Variants in SHANK1 observed in about 807,000 individuals in gnomAD.
SHANK1 encodes the protein SH3 and multiple ankyrin repeat domains 1.
In SHANK1, 35 loss-of-function variants were observed where a neutral mutation model predicts 165.6. The observed-to-expected ratio is 0.21, with a 90% CI of 0.16 to 0.28. SHANK1 has a LOEUF of 0.28. Among genes scored for constraint, SHANK1 ranks in the 10% least tolerant of loss-of-function variants. The probability of loss-of-function intolerance (pLI) is 1.00; values close to 1 mark genes in which losing one functional copy is unlikely to be tolerated. For missense variants in SHANK1, 2,681 were observed against 3,036.4 expected (o/e 0.88, Z 2.75); for synonymous variants, 1,428 against 1,384.8 (o/e 1.03, Z -0.69).
intron 15 of SHANK1, among the ~76,000 whole-genome samples, chr19:50,689,636 G>A (rs912506154): frequency 6.6e-6 from 1 of 152,124 alleles, no homozygotes; most frequent in African/African-American, 2.4e-5. Flanking sequence ...CTATGACCTT[G>A]AGCCCACAAC....
Position 50,716,989 on chromosome 19 carries a change from A to G in SHANK1, c.-43-27T>C. The G allele has an allele frequency of 7.2e-7, 1 of 1,386,850 alleles. No homozygotes were observed. The highest frequency in any genetic ancestry group is 1.5e-5 in the African/African-American group (1 of 68,250). The allele number at this position is 1,386,850 out of a possible 1,614,324, so 85.9% of individuals were successfully genotyped here. On this transcript the variant is annotated intron_variant, in intron 1 of 23. Transcript: ENST00000293441. The surrounding 1 kb of genome is among the most constrained non-coding windows in gnomAD (Gnocchi z 8.4). ...TGCAGGGGCCAAGGGCGGCCATCAGACTAGGAGCCCGGGACCCCTCAGAGG... is the reference window on the plus strand; with the variant it reads ...TGCAGGGGCCAAGGGCGGCCATCAGGCTAGGAGCCCGGGACCCCTCAGAGG...
chr19:50,686,858 G>A lies in SHANK1; in HGVS notation c.2390-46C>T, dbSNP rs1306547542. The stretch of plus-strand genomic sequence containing the variant: ...TGACGCCCAGGGAGCCCCCGGGGGC[G>A]GGGCGGAGCGGGCTCGGCCTGTGGG... On this transcript the variant is annotated intron_variant, in intron 19 of 23. Coordinates refer to ENST00000293441, the MANE Select transcript of SHANK1 (RefSeq NM_016148.5). This position sits in a 1 kb window ranked among gnomAD's most constrained non-coding sequence, Gnocchi z 5.7. The A allele has an allele frequency of 1.9e-6, 3 of 1,607,102 alleles. No homozygotes were observed. The highest frequency in any genetic ancestry group is 2.2e-5 in the East Asian group (1 of 44,682).
intron 19 of SHANK1, 119 bp downstream of exon 19, chr19:50,687,463 G>C: frequency 1.4e-6 from 1 of 738,612 alleles, no homozygotes; most frequent in Non-Finnish European, 2.2e-6. Context: ...CCATGGACTG[G>C]GGACAGGATG....
chr19:50,667,406 G>C lies in SHANK1; in HGVS notation c.4554C>G (p.Val1518=). 2.0e-6 allele frequency: 3 copies of C among 1,518,694 alleles called. No homozygotes were observed. The South Asian group carries it at 3.8e-5, about 19-fold the overall frequency. The allele number at this position is 1,518,694 out of a possible 1,614,324, so 94.1% of individuals were successfully genotyped here. ...RGPPSEDGPG[V]PPPSPRRSVP... ...CGGACCGGCGTGGGCTGGGCGGCGG[G>C]ACCCCCGGCCCGTCCTCCGAGGGGG... The change falls in exon 23 of 24, where the codon GTC becomes GTG. Residue 1518 remains valine (V), a synonymous_variant. Transcript: ENST00000293441. This position sits in a 1 kb window ranked among gnomAD's most constrained non-coding sequence, Gnocchi z 5.7.
intron 10 of SHANK1, 132 bp downstream of exon 10, chr19:50,703,988 G>T: frequency 1.1e-6 from 1 of 937,704 alleles, no homozygotes; most frequent in Non-Finnish European, 1.7e-6. Context: ...CCACCATCCA[G>T]ACATTTTTGG....
intron 4 of SHANK1, 99 bp downstream of exon 4, chr19:50,715,560 T>C (rs1477471555): frequency 9.6e-6 from 10 of 1,045,600 alleles, no homozygotes; most frequent in Non-Finnish European, 1.3e-5. Flanking sequence ...TTGGGGAATG[T>C]GGAGGTCTAT....
chr19:50,665,044 A>G (rs1200820504), intron 23 of SHANK1, among the ~76,000 whole-genome samples: 1 of 152,202 alleles, frequency 6.6e-6, no homozygotes, highest in Non-Finnish European at 1.5e-5. Flanking sequence ...GGCGTGAACC[A>G]CCACGCCCAG....
At chr19:50,696,240 C>A (rs932572831) in intron 15 of SHANK1, among the ~76,000 whole-genome samples, 2 of 152,194 alleles carry the variant, frequency 1.3e-5, no homozygotes, top group African/African-American at 4.8e-5. Context: ...AGACAAGAAG[C>A]AGAGGCCGAC....
Position 50,716,764 on chromosome 19 carries a change from G to A in SHANK1, c.156C>T (p.Ala52=), listed in dbSNP as rs1242024112. The A allele has an allele frequency of 6.2e-7, 1 of 1,608,566 alleles. No individual in the cohort carries two copies. Among genetic ancestry groups the A allele is most frequent in the Non-Finnish European group, 8.5e-7 (1 of 1,177,530 alleles). The stretch of plus-strand genomic sequence containing the variant: ...AGCGGCCCTGGAGGCCTCTAACAGA[G>A]GCCAGGCTACCAGGTGCCCCACTGC... The part of the protein sequence containing the change: ...GQGSGAPGSL[A]SVRGLQGRSM... Residue 52 remains alanine, a synonymous_variant, in exon 2 of 24, where the codon GCC becomes GCT. Transcript: ENST00000293441. This position sits in a 1 kb window ranked among gnomAD's most constrained non-coding sequence, Gnocchi z 8.4.
In SHANK1 at chr19:50,697,154, G is replaced by A; in HGVS notation, c.1938-32C>T. The A allele has an allele frequency of 1.9e-6, 3 of 1,613,910 alleles. No individual in the cohort carries two copies. The highest frequency in any genetic ancestry group is 1.1e-5 in the South Asian group (1 of 91,068). ...AAGCAAGTCAGCCAGCAGCCAGGGA[G>A]GGGAAAGGTGTCAGTGCACCCATCT... On this transcript the variant is annotated intron_variant, in intron 14 of 23. Transcript: ENST00000293441. The surrounding 1 kb of genome is among the most constrained non-coding windows in gnomAD (Gnocchi z 4.7).
chr19:50,679,997 C>G (rs1266990420), intron 21 of SHANK1, among the ~76,000 whole-genome samples: 1 of 149,518 alleles, frequency 6.7e-6, no homozygotes, highest in East Asian at 2.0e-4. Context: ...GATGGAGAGA[C>G]AGAGAGACAA....
At position 50,665,737 on chromosome 19, in the gene SHANK1, T is replaced by TAAAAAAAAAAAAAAAAAAA. The variant is rs71182756; in HGVS notation, c.5768+454_5768+455insTTTTTTTTTTTTTTTTTTT. Reference sequence around the variant, plus strand: ...GGGTGACAGAGTGAGACCCTGTTTCTAAAAAAAAAAAAAAAGCCAGGCATG... The same window carrying TAAAAAAAAAAAAAAAAAAA: ...GGGTGACAGAGTGAGACCCTGTTTCTAAAAAAAAAAAAAAAAAAAAAAAAAAAAAAAAAAGCCAGGCATG... On this transcript the variant is annotated intron_variant, in intron 23 of 23. Transcript: ENST00000293441. 3.0e-4 allele frequency among the ~76,000 whole-genome samples: 29 copies of TAAAAAAAAAAAAAAAAAAA among 98,148 alleles called. 1 individual carries two copies. The highest frequency in any genetic ancestry group is 1.2e-3 in the African/African-American group (25 of 21,224). 64.4% of individuals were successfully genotyped at this position (98,148 alleles called of 152,430 possible). A position where few individuals can be genotyped will look rare whatever the true frequency, so the allele number is the denominator to read the frequency against.
chr19:50,715,626 TATAGGGG>T (rs1430303365), intron 4 of SHANK1, 26 bp downstream of exon 4: 1 of 1,593,392 alleles, frequency 6.3e-7, no homozygotes, highest in Non-Finnish European at 8.6e-7. Context: ...GGTAGGGGGC[TATAGGGG>T]ATAGATGCCA....
rs766493623 is a variant in SHANK1, at chr19:50,690,778, G to A, written c.1965-1499C>T. ...ATAACTCCCCCTCACTCGGATCTCAGTGTATTCCCATAACACGCCCTCTGA... is the reference window on the plus strand; with the variant it reads ...ATAACTCCCCCTCACTCGGATCTCAATGTATTCCCATAACACGCCCTCTGA... On this transcript the variant is annotated intron_variant, in intron 15 of 23. Transcript: ENST00000293441. The surrounding 1 kb of genome is among the most constrained non-coding windows in gnomAD (Gnocchi z 4.9). Among the ~76,000 whole-genome samples, 4 of 151,994 alleles carry A rather than the reference G, an allele frequency of 2.6e-5. No individual in the cohort carries two copies. The highest frequency in any genetic ancestry group is 4.4e-5 in the Non-Finnish European group (3 of 68,022).
Position 50,716,823 on chromosome 19 carries a change from G to T in SHANK1, c.97C>A (p.Pro33Thr). ...CGGGTCCCCCGGGGGCCTCGACCTG[G>T]CCCGTCTGGGGAGCTGTCGGACTCT... The part of the protein sequence containing the change: ...GSESDSSPDG[P>T]GRGPRGTRGQ... Residue 33 changes from proline to threonine, a missense_variant, in exon 2 of 24, where the codon CCA (proline) becomes ACA (threonine). Pro to Thr is a conservative substitution (Grantham distance 38). Coordinates refer to ENST00000293441, the MANE Select transcript of SHANK1 (RefSeq NM_016148.5). The surrounding 1 kb of genome is among the most constrained non-coding windows in gnomAD (Gnocchi z 8.4). 2 of 1,574,430 alleles carry T rather than the reference G, an allele frequency of 1.3e-6. No individual in the cohort carries two copies. The highest frequency in any genetic ancestry group is 8.6e-7 in the Non-Finnish European group (1 of 1,164,618).
rs561526763 is a variant in SHANK1, at chr19:50,661,514, G to C, written c.*451C>G. On this transcript the variant is annotated 3_prime_UTR_variant, in exon 24 of 24. Coordinates refer to ENST00000293441, the MANE Select transcript of SHANK1 (RefSeq NM_016148.5). ...TGTGTGCTGGGGAGAGGGGAAGGGG[G>C]GAGAGCTGAGGGGCCTGGAGAGAGT... 6.6e-6 allele frequency among the ~76,000 whole-genome samples: 1 copy of C among 151,350 alleles called. No homozygotes were observed. Among genetic ancestry groups the C allele is most frequent in the African/African-American group, 2.4e-5 (1 of 41,152 alleles).
chr19:50,669,940 C>G (rs1271149480), intron 22 of SHANK1, among the ~76,000 whole-genome samples: 1 of 152,166 alleles, frequency 6.6e-6, no homozygotes, highest in Non-Finnish European at 1.5e-5. Context: ...GCTTACTTCA[C>G]TGCCAAGGCT....
At position 50,687,649 on chromosome 19, in the gene SHANK1, G is replaced by A. The variant is rs1458661542; in HGVS notation, c.2322C>T (p.Ala774=). 2.0e-6 allele frequency: 3 copies of A among 1,498,976 alleles called. No individual in the cohort carries two copies. The highest frequency in any genetic ancestry group is 2.4e-5 in the Admixed American group (1 of 41,802). 92.9% of individuals were successfully genotyped at this position (1,498,976 alleles called of 1,614,324 possible). A position where few individuals can be genotyped will look rare whatever the true frequency, so the allele number is the denominator to read the frequency against. The change falls in exon 19 of 24, where the codon GCC becomes GCT. Residue 774 remains alanine, a synonymous_variant. Coordinates refer to ENST00000293441, the MANE Select transcript of SHANK1 (RefSeq NM_016148.5). The part of the protein sequence containing the change: ...EAVHKKAPQQ[A]KRLPPPTISL... Reference sequence around the variant, plus strand: ...AGATGGTTGGGGGCGGCAGCCGCTTGGCCTGCTGGGGTGCTGAAAAGGTGA... The same window carrying A: ...AGATGGTTGGGGGCGGCAGCCGCTTAGCCTGCTGGGGTGCTGAAAAGGTGA...
chr19:50,675,699 G>A (rs986207897), intron 21 of SHANK1, among the ~76,000 whole-genome samples: 18 of 152,114 alleles, frequency 1.2e-4, no homozygotes, highest in African/African-American at 4.1e-4. Flanking sequence ...GAGGGAGAAT[G>A]TAATTTAAAA....
Sources: gnomAD v4.1 joint callset for allele counts (sites outside exome capture counted in the v4.1 genomes callset) on GRCh38, gnomAD v4.1.1 for gene constraint, Gnocchi (gnomAD v3.1) non-coding constraint, MANE v1.5 for transcripts, NCBI Gene and HGNC (gene_info 2026-07-23, HGNC 2026-07-21) for gene names.